The following KAZN variants were observed in gnomAD, a reference collection of about 807,000 sequenced individuals.
The protein encoded by KAZN is kazrin, periplakin interacting protein.
In KAZN, 40 loss-of-function variants were observed where a neutral mutation model predicts 87.4. That is an observed-to-expected ratio of 0.46 (90% CI 0.36 to 0.60). The LOEUF is 0.60. Ranked by LOEUF, KAZN falls within the 20% of genes least tolerant of loss-of-function variation. The probability of loss-of-function intolerance (pLI) is 0.00; values close to 1 mark genes in which losing one functional copy is unlikely to be tolerated. For missense variants in KAZN, 898 were observed against 1,073.9 expected (o/e 0.84, Z 2.29); for synonymous variants, 466 against 458.3 (o/e 1.02, Z -0.22).
intron 1 of KAZN, among the ~76,000 whole-genome samples, chr1:14,933,336 G>A (rs968659937): frequency 1.1e-4 from 16 of 152,204 alleles, no homozygotes; most frequent in African/African-American, 3.4e-4. Flanking sequence ...CAGGTGAGCC[G>A]CCTGCCTCGG....
At chr1:14,840,289 C>A (rs1015130864) in intron 1 of KAZN, among the ~76,000 whole-genome samples, 3 of 152,134 alleles carry the variant, frequency 2.0e-5, no homozygotes, top group Non-Finnish European at 4.4e-5. Flanking sequence ...GGTGGGGGAT[C>A]TAATCACACA....
intron 2 of KAZN, among the ~76,000 whole-genome samples, chr1:14,312,143 A>G (rs1655347859): frequency 8.9e-6 from 1 of 112,380 alleles, no homozygotes; most frequent in African/African-American, 4.5e-5. Context: ...AGCAGAGAAT[A>G]CAGGAAAAAA....
At chr1:14,935,863 G>A (rs1408559899) in intron 1 of KAZN, among the ~76,000 whole-genome samples, 3 of 152,162 alleles carry the variant, frequency 2.0e-5, no homozygotes, top group Non-Finnish European at 2.9e-5. Context: ...TGATGTTGGT[G>A]GGGCAAGCGG....
At chr1:14,217,595 G>A (rs1646986972) in intron 2 of KAZN, among the ~76,000 whole-genome samples, 1 of 151,702 alleles carries the variant, frequency 6.6e-6, no homozygotes, top group African/African-American at 2.4e-5. Flanking sequence ...GTATAATAAG[G>A]GCTCCAAAGA....
chr1:14,884,065 A>C (rs1653777155), intron 1 of KAZN, among the ~76,000 whole-genome samples: 1 of 152,138 alleles, frequency 6.6e-6, no homozygotes. Flanking sequence ...GCTGAGAGAA[A>C]CTACATCACT....
At position 14,240,373 on chromosome 1, in the gene KAZN, A is replaced by G. The variant is rs150964267; in HGVS notation, c.249+59781A>G. 5.7e-3 allele frequency among the ~76,000 whole-genome samples: 864 copies of G among 152,338 alleles called. 3 individuals are homozygous for G. Among genetic ancestry groups the G allele is most frequent in the Admixed American group, 0.012 (186 of 15,302 alleles). On this transcript the variant is annotated intron_variant, in intron 2 of 16. Coordinates refer to the KAZN transcript ENST00000636203. ...CCCACACTGTCCATAGGCTCCAGGC[A>G]TGTGCAGCCCCCATGGGGAAGACAC...
At chr1:14,557,264 T>C (rs552773628) in intron 2 of KAZN, among the ~76,000 whole-genome samples, 4 of 152,324 alleles carry the variant, frequency 2.6e-5, no homozygotes, top group South Asian at 2.1e-4. Context: ...GACATTTGCA[T>C]TGACCAATGG....
At chr1:14,363,570 A>G (rs1659701267) in intron 2 of KAZN, among the ~76,000 whole-genome samples, 1 of 152,230 alleles carries the variant, frequency 6.6e-6, no homozygotes, top group African/African-American at 2.4e-5. Context: ...GTGAAAAATA[A>G]TACATCAAAA....
At chr1:14,033,520 T>G (rs928935740) in intron 1 of KAZN, among the ~76,000 whole-genome samples, 7 of 152,190 alleles carry the variant, frequency 4.6e-5, no homozygotes, top group African/African-American at 1.7e-4. Context: ...AGCTATACCC[T>G]AGGGACAGGG....
chr1:15,097,715 G>A (rs1020983716), intron 10 of KAZN, among the ~76,000 whole-genome samples: 1 of 152,170 alleles, frequency 6.6e-6, no homozygotes, highest in Non-Finnish European at 1.5e-5. Flanking sequence ...CTACTCAGGA[G>A]GCTGAGGCAG....
chr1:14,686,569 G>T (rs1640963954), intron 1 of KAZN, among the ~76,000 whole-genome samples: 1 of 152,094 alleles, frequency 6.6e-6, no homozygotes, highest in Admixed American at 6.5e-5. Flanking sequence ...ATGGACTGTG[G>T]GAACACCTGA....
At chr1:14,304,064 G>C (rs1053074874) in intron 2 of KAZN, among the ~76,000 whole-genome samples, 8 of 152,176 alleles carry the variant, frequency 5.3e-5, no homozygotes, top group African/African-American at 1.9e-4. Flanking sequence ...TGGTGGGGCT[G>C]TCTTGCCATT....
intron 1 of KAZN, among the ~76,000 whole-genome samples, chr1:14,951,141 A>T (rs553338443): frequency 1.2e-4 from 19 of 152,168 alleles, no homozygotes; most frequent in Non-Finnish European, 2.6e-4. Context: ...GGCAAAGGCG[A>T]CAAGCACATT....
rs1332409639 is a variant in KAZN, at chr1:14,769,476, T to G, written c.226+170253T>G. ...TTCAAGCGATTCTCGTGCCTCATTC[T>G]CCTGAGTATCTGGGATTACAGGCGC... On this transcript the variant is annotated intron_variant, in intron 1 of 14. Coordinates refer to ENST00000376030, the MANE Select transcript of KAZN (RefSeq NM_201628.3). This position sits in a 1 kb window ranked among gnomAD's most constrained non-coding sequence, Gnocchi z 4.1. Among the ~76,000 whole-genome samples the G allele has an allele frequency of 6.6e-6, 1 of 152,156 alleles. No homozygotes were observed. Among genetic ancestry groups the G allele is most frequent in the Non-Finnish European group, 1.5e-5 (1 of 68,036 alleles).
chr1:14,007,120 TG>T (rs1430715312), intron 1 of KAZN, among the ~76,000 whole-genome samples: 4 of 152,222 alleles, frequency 2.6e-5, no homozygotes, highest in Non-Finnish European at 2.9e-5. Context: ...TTTCTTGATT[TG>T]TTTTTTTAGA....
chr1:13,963,014 G>T (rs12092233), intron 1 of KAZN, among the ~76,000 whole-genome samples: 11,163 of 152,194 alleles, frequency 0.073, 772 homozygotes, highest in African/African-American at 0.18. Context: ...GAGACAAATT[G>T]GGGCCAGTTT....
intron 2 of KAZN, among the ~76,000 whole-genome samples, chr1:14,260,214 AACAG>A (rs1185658069): frequency 6.6e-6 from 1 of 152,158 alleles, no homozygotes; most frequent in Non-Finnish European, 1.5e-5. Flanking sequence ...CAGTGAGCAA[AACAG>A]ACAGATATCC....
At chr1:15,065,932 G>A (rs1639193405) in intron 8 of KAZN, 179 bp downstream of exon 8, 1 of 1,423,786 alleles carries the variant, frequency 7.0e-7, no homozygotes, top group Non-Finnish European at 9.1e-7. Flanking sequence ...GGTGCTGGGT[G>A]TGGCCGAGCG....
chr1:15,101,797 G>C (rs1421748799), intron 11 of KAZN, 23 bp downstream of exon 11: 3 of 1,522,956 alleles, frequency 2.0e-6, no homozygotes, highest in East Asian at 4.9e-5. Context: ...GCACAGGGTG[G>C]GGGCACCTTC....
Sources: gnomAD v4.1 joint callset for allele counts (sites outside exome capture counted in the v4.1 genomes callset) on GRCh38, gnomAD v4.1.1 for gene constraint, Gnocchi (gnomAD v3.1) non-coding constraint, MANE v1.5 for transcripts, NCBI Gene and HGNC (gene_info 2026-07-23, HGNC 2026-07-21) for gene names.